Variants in COL5A1 observed in about 807,000 individuals in gnomAD.
COL5A1 encodes collagen type V alpha 1 chain.
In COL5A1, 16 loss-of-function variants were observed where a neutral mutation model predicts 263.7. The ratio of observed to expected loss-of-function variants is 0.06; its 90% confidence interval spans 0.04 to 0.09. COL5A1 has a LOEUF of 0.09. Among genes scored for constraint, COL5A1 ranks in the 10% least tolerant of loss-of-function variants. COL5A1 has a pLI of 1.00. For synonymous variants in COL5A1, 1,012 were observed against 1,004.5 expected (o/e 1.01, Z -0.14); for missense variants, 2,036 against 2,540.5 (o/e 0.80, Z 4.27).
At chr9:134,826,253 A>G (rs544183610) in intron 63 of COL5A1, among the ~76,000 whole-genome samples, 19 of 152,248 alleles carry the variant, frequency 1.2e-4, no homozygotes, top group African/African-American at 3.6e-4. Flanking sequence ...CTTTAAAGGA[A>G]TTGGGAGCAG....
chr9:134,760,445 GCATACA>G (rs1270782040), intron 18 of COL5A1, among the ~76,000 whole-genome samples: 1 of 48,316 alleles, frequency 2.1e-5, no homozygotes, highest in Non-Finnish European at 3.3e-5. Flanking sequence ...GCACACACAT[GCATACA>G]CACCCACACA....
At position 134,725,400 on chromosome 9, in the gene COL5A1, G is replaced by A. The variant is rs149141471; in HGVS notation, c.655-1866G>A. Among the ~76,000 whole-genome samples the A allele has an allele frequency of 1.8e-3, 271 of 152,232 alleles. 6 individuals are homozygous for A. The East Asian group carries it at 0.039, about 22-fold the overall frequency. On this transcript the variant is annotated intron_variant, in intron 4 of 65. Coordinates refer to ENST00000371817, the MANE Select transcript of COL5A1 (RefSeq NM_000093.5). Reference sequence around the variant, plus strand: ...ATCTGTGGTAAACATGATCTAATTCGTCATCACTGTCATTACTATAATCAT... The same window carrying A: ...ATCTGTGGTAAACATGATCTAATTCATCATCACTGTCATTACTATAATCAT...
Position 134,755,515 on chromosome 9 carries a change from G to T in COL5A1, c.1827+1189G>T, listed in dbSNP as rs181316251. On this transcript the variant is annotated intron_variant, in intron 16 of 65. Transcript: ENST00000371817. The surrounding 1 kb of genome is among the most constrained non-coding windows in gnomAD (Gnocchi z 4.1). ...GTGAGAGAGGGGCTTGGAGCTGAGG[G>T]GTCGATTCCAAAGTGGTCTGAGCAG... Among the ~76,000 whole-genome samples the T allele has an allele frequency of 2.2e-4, 33 of 152,310 alleles. 1 individual carries two copies. The highest frequency in any genetic ancestry group is 7.2e-4 in the Admixed American group (11 of 15,308).
intron 4 of COL5A1, among the ~76,000 whole-genome samples, chr9:134,712,042 C>CCCCTTTCTTCCTGGT (rs1834064960): frequency 1.2e-5 from 1 of 86,282 alleles, no homozygotes. Context: ...CTTCTTCCTG[C>CCCCTTTCTTCCTGGT]CCCCTTCTTC....
At chr9:134,708,419 C>CGGGGG (rs35817169) in intron 4 of COL5A1, 9 of 371,520 alleles carry the variant, frequency 2.4e-5, no homozygotes, top group African/African-American at 2.0e-4. Flanking sequence ...GAGCAACTCC[C>CGGGGG]GGGGTGGGGG....
chr9:134,656,910 G>A (rs557956608), intron 1 of COL5A1, among the ~76,000 whole-genome samples: 4 of 100,416 alleles, frequency 4.0e-5, no homozygotes, highest in Middle Eastern at 4.6e-3. Context: ...TATGGGGGAC[G>A]GGGCAGGGGG....
intron 29 of COL5A1, 50 bp from the exon 30 acceptor site, chr9:134,784,939 A>AGTGT (rs149144012): frequency 5.5e-6 from 7 of 1,270,834 alleles, no homozygotes; most frequent in East Asian, 2.5e-5. Flanking sequence ...GGTGGAGAAT[A>AGTGT]GTGTGTGTGC....
rs749844592 is a variant in COL5A1 at position 134,795,090 on chromosome 9, T to C, written c.2709T>C (p.Pro903=). Residue 903 remains proline, a synonymous_variant, in exon 33 of 66, where the codon CCT becomes CCC. Transcript: ENST00000371817. The part of the protein sequence containing the change: ...ANGEKGGRGT[P]GKPGPRGQRG... ...CCCTTCTCTGATTCTAGGGGACCCC[T>C]GGAAAGCCAGGACCGCGGGGGCAGC... 16 of 1,613,878 alleles carry C rather than the reference T, an allele frequency of 9.9e-6. No homozygotes were observed. In the Admixed American group the frequency reaches 1.5e-4, roughly 15 times the overall value.
At position 134,713,748 on chromosome 9, in the gene COL5A1, G is replaced by A. The variant is rs116963544; in HGVS notation, c.654+12415G>A. On this transcript the variant is annotated intron_variant, in intron 4 of 65. Coordinates refer to ENST00000371817, the MANE Select transcript of COL5A1 (RefSeq NM_000093.5). ...AGGAATGCACGCTGTCACAGGTGGC[G>A]TTAGGGACAGAGGGCAGGGTGATCT... Among the ~76,000 whole-genome samples, 27 of 152,298 alleles carry A rather than the reference G, an allele frequency of 1.8e-4. No homozygotes were observed. The East Asian group carries it at 3.1e-3, about 17-fold the overall frequency.
chr9:134,716,580 A>G lies in COL5A1; in HGVS notation c.655-10686A>G, dbSNP rs929359356. On this transcript the variant is annotated intron_variant, in intron 4 of 65. Coordinates refer to ENST00000371817, the MANE Select transcript of COL5A1 (RefSeq NM_000093.5). The surrounding 1 kb of genome is among the most constrained non-coding windows in gnomAD (Gnocchi z 4.5). ...AGGTGAACCCCCACCCTTTGGAGAGAGCAAGTCTTTGAGGAGGTGGACCTG... is the reference window on the plus strand; with the variant it reads ...AGGTGAACCCCCACCCTTTGGAGAGGGCAAGTCTTTGAGGAGGTGGACCTG... Among the ~76,000 whole-genome samples the G allele has an allele frequency of 5.9e-5, 9 of 152,094 alleles. No individual in the cohort carries two copies. The highest frequency in any genetic ancestry group is 1.9e-4 in the African/African-American group (8 of 41,506).
chr9:134,674,208 T>G (rs1832624691), intron 1 of COL5A1, among the ~76,000 whole-genome samples: 1 of 152,028 alleles, frequency 6.6e-6, no homozygotes, highest in Non-Finnish European at 1.5e-5. Context: ...TACAGAGACA[T>G]GTATGTGAGC....
chr9:134,796,046 GC>G (rs989509640), intron 34 of COL5A1, among the ~76,000 whole-genome samples: 2 of 150,994 alleles, frequency 1.3e-5, no homozygotes, highest in African/African-American at 5.0e-5. Flanking sequence ...TGGCCCTAGA[GC>G]GGGTCCCTGC....
intron 57 of COL5A1, among the ~76,000 whole-genome samples, chr9:134,819,899 T>A (rs893895905): frequency 6.6e-6 from 1 of 152,184 alleles, no homozygotes; most frequent in Non-Finnish European, 1.5e-5. Flanking sequence ...TGGCTCCCTG[T>A]CTGTTTTTAG....
rs758640551 is a variant in COL5A1 at position 134,730,433 on chromosome 9, C to G, written c.1122C>G (p.Ala374=). The G allele has an allele frequency of 2.2e-5, 36 of 1,614,116 alleles. No homozygotes were observed. The South Asian group carries it at 3.7e-4, about 17-fold the overall frequency. The part of the protein sequence containing the change: ...PDQPTDPGAG[A]EIPTSTADTS... ...AGCCCACAGACCCAGGCGCTGGGGC[C>G]GAAATTCCCACCAGCACCGCCGACA... Residue 374 remains alanine (A), a synonymous_variant, in exon 7 of 66, where the codon GCC becomes GCG. Transcript: ENST00000371817.
At position 134,843,174 on chromosome 9, in the gene COL5A1, G is replaced by T. The variant is rs1412534173; in HGVS notation, c.*871G>T. On this transcript the variant is annotated 3_prime_UTR_variant, in exon 66 of 66. Transcript: ENST00000371817. Reference sequence around the variant, plus strand: ...TCTAGACTTTTTTTTTTTTTAATAGGGAAAAAATTTGATAATTTTCTTTTT... The same window carrying T: ...TCTAGACTTTTTTTTTTTTTAATAGTGAAAAAATTTGATAATTTTCTTTTT... The T allele has an allele frequency of 2.0e-5, 3 of 150,806 alleles. No individual in the cohort carries two copies. The East Asian group carries it at 5.8e-4, about 29-fold the overall frequency. The allele number at this position is 150,806 out of a possible 1,614,324, so 9.3% of individuals were successfully genotyped here.
chr9:134,759,447 CCA>C (rs748083870), intron 18 of COL5A1, among the ~76,000 whole-genome samples: 19 of 96,836 alleles, frequency 2.0e-4, no homozygotes, highest in East Asian at 4.3e-4. Context: ...ACACCCACAC[CCA>C]CACACTCATA....
At chr9:134,675,157 G>A (rs988029739) in intron 1 of COL5A1, among the ~76,000 whole-genome samples, 3 of 152,180 alleles carry the variant, frequency 2.0e-5, no homozygotes, top group African/African-American at 7.2e-5. Flanking sequence ...AGTATTGCAT[G>A]TAATTGTTGG....
chr9:134,812,382 A>G, intron 46 of COL5A1, 67 bp from the exon 47 acceptor site: 7 of 1,538,174 alleles, frequency 4.6e-6, no homozygotes, highest in Non-Finnish European at 6.3e-6. Context: ...GAGGTCGTGA[A>G]AGCTGTGTGT....
At chr9:134,791,966 T>C (rs548737743) in intron 32 of COL5A1, among the ~76,000 whole-genome samples, 1 of 152,162 alleles carries the variant, frequency 6.6e-6, no homozygotes, top group East Asian at 1.9e-4. Context: ...GGAAAGGTCA[T>C]AGGCACCAGG....
Sources: gnomAD v4.1 joint callset for allele counts (sites outside exome capture counted in the v4.1 genomes callset) on GRCh38, gnomAD v4.1.1 for gene constraint, Gnocchi (gnomAD v3.1) non-coding constraint, MANE v1.5 for transcripts, NCBI Gene and HGNC (gene_info 2026-07-23, HGNC 2026-07-21) for gene names.